The following BICC1 variants were observed in gnomAD, a reference collection of about 807,000 sequenced individuals.
BICC1 encodes the protein protein bicaudal C homolog 1.
BICC1 carries 43 observed loss-of-function variants against 111.0 expected under a neutral mutation model. That is an observed-to-expected ratio of 0.39 (90% CI 0.30 to 0.50). The LOEUF (loss-of-function observed/expected upper bound fraction) is 0.50, where lower values mean the gene tolerates loss of function less well. Among genes scored for constraint, BICC1 ranks in the 20% least tolerant of loss-of-function variants. The pLI, the probability that BICC1 is intolerant of heterozygous loss-of-function variation, is 0.88. For synonymous variants in BICC1, 467 were observed against 434.4 expected (o/e 1.07, Z -0.93); for missense variants, 1,091 against 1,203.2 (o/e 0.91, Z 1.38).
In BICC1 at chr10:58,823,980, A is replaced by C. The variant is rs1256671237; in HGVS notation, c.2794+3512A>C. 5 of 985,270 alleles carry C rather than the reference A, an allele frequency of 5.1e-6. No homozygotes were observed. The African/African-American group carries it at 8.7e-5, about 17-fold the overall frequency. 61.0% of individuals were successfully genotyped at this position (985,270 alleles called of 1,614,324 possible). A position where few individuals can be genotyped will look rare whatever the true frequency, so the allele number is the denominator to read the frequency against. The stretch of plus-strand genomic sequence containing the variant: ...AACAGCCATCTGTATGCATGCCTGC[A>C]TGTGTCTTTTGCTTGTAAAGATACC... On this transcript the variant is annotated intron_variant, in intron 20 of 20. Transcript: ENST00000373886.
At chr10:58,648,428 A>T in intron 2 of BICC1, 2 of 819,786 alleles carry the variant, frequency 2.4e-6, no homozygotes, top group Non-Finnish European at 2.9e-6. Context: ...TTTGAATCTA[A>T]GCCAAAAAAG....
intron 2 of BICC1, chr10:58,650,388 A>C (rs1401745153): frequency 6.6e-6 from 1 of 152,172 alleles, no homozygotes; most frequent in Admixed American, 6.6e-5. Flanking sequence ...ATGGAATCTT[A>C]CCTTAATGTT....
intron 3 of BICC1, among the ~76,000 whole-genome samples, chr10:58,762,290 A>G (rs1842337438): frequency 6.6e-6 from 1 of 152,204 alleles, no homozygotes; most frequent in Non-Finnish European, 1.5e-5. Flanking sequence ...AAATGCCACT[A>G]AAATGAGAAA....
chr10:58,556,263 C>G (rs1035339667), intron 1 of BICC1, among the ~76,000 whole-genome samples: 9 of 152,040 alleles, frequency 5.9e-5, no homozygotes, highest in Admixed American at 2.6e-4. Context: ...TGCAGCTTCT[C>G]AGATATTCTG....
intron 3 of BICC1, among the ~76,000 whole-genome samples, chr10:58,743,469 T>TTG (rs1841734709): frequency 6.6e-6 from 1 of 151,530 alleles, no homozygotes; most frequent in South Asian, 2.1e-4. Flanking sequence ...TGCTGGGATT[T>TTG]TTTTTTTTTT....
intron 13 of BICC1, 71 bp from the exon 14 acceptor site, chr10:58,800,819 A>G: frequency 1.4e-6 from 2 of 1,436,564 alleles, no homozygotes; most frequent in Non-Finnish European, 1.9e-6. Context: ...ATTTGTTTCC[A>G]TTGCAGATAA....
At chr10:58,648,599 T>TTC (rs1316101466) in intron 2 of BICC1, 1 of 980,628 alleles carries the variant, frequency 1.0e-6, no homozygotes, top group Admixed American at 6.2e-5. Context: ...CTCTCTCTCT[T>TTC]TCTCTCTCTC....
chr10:58,572,826 G>A (rs1844001295), intron 1 of BICC1, among the ~76,000 whole-genome samples: 1 of 152,094 alleles, frequency 6.6e-6, no homozygotes, highest in African/African-American at 2.4e-5. Flanking sequence ...CTACGCCTTT[G>A]ATCCCTCAAC....
intron 2 of BICC1, among the ~76,000 whole-genome samples, chr10:58,695,242 C>T (rs558684584): frequency 1.8e-4 from 27 of 152,258 alleles, no homozygotes; most frequent in Admixed American, 6.5e-5. Context: ...GACGCCGCCT[C>T]GAGTGAGAAG....
At position 58,829,020 on chromosome 10, in the gene BICC1, C is replaced by T. The variant is rs1589183248; in HGVS notation, c.*129C>T. The stretch of plus-strand genomic sequence containing the variant: ...TATCAGGACCAAAGCATTTTATTCG[C>T]ACCTGTACTTTATGGCAAAAAGGAA... On this transcript the variant is annotated 3_prime_UTR_variant, in exon 21 of 21. Transcript: ENST00000373886. 1 of 1,080,960 alleles carries T rather than the reference C, an allele frequency of 9.3e-7. No individual in the cohort carries two copies. The highest frequency in any genetic ancestry group is 1.3e-6 in the Non-Finnish European group (1 of 764,778). 67.0% of individuals were successfully genotyped at this position (1,080,960 alleles called of 1,614,324 possible). A position where few individuals can be genotyped will look rare whatever the true frequency, so the allele number is the denominator to read the frequency against.
intron 17 of BICC1, among the ~76,000 whole-genome samples, chr10:58,811,815 C>T (rs1439884682): frequency 6.6e-6 from 1 of 152,100 alleles, no homozygotes; most frequent in Non-Finnish European, 1.5e-5. Flanking sequence ...AAGCTAAAAC[C>T]TAGATGCCAA....
At chr10:58,530,647 T>A (rs545509644) in intron 1 of BICC1, among the ~76,000 whole-genome samples, 2 of 147,882 alleles carry the variant, frequency 1.4e-5, no homozygotes, top group Admixed American at 1.4e-4. Flanking sequence ...TATATAAGAT[T>A]GTGTGTCCAG....
chr10:58,772,632 C>G (rs1236460386), intron 3 of BICC1, among the ~76,000 whole-genome samples: 1 of 152,108 alleles, frequency 6.6e-6, no homozygotes, highest in Non-Finnish European at 1.5e-5. Context: ...CTTAGCCTTT[C>G]TGAAAATCAG....
chr10:58,644,427 C>T (rs1838208404), intron 2 of BICC1, among the ~76,000 whole-genome samples: 1 of 152,210 alleles, frequency 6.6e-6, no homozygotes, highest in African/African-American at 2.4e-5. Flanking sequence ...TTTGAGTCAA[C>T]TCCCTAAAAC....
At chr10:58,580,165 A>G (rs892711881) in intron 1 of BICC1, among the ~76,000 whole-genome samples, 2 of 151,954 alleles carry the variant, frequency 1.3e-5, no homozygotes, top group African/African-American at 4.8e-5. Context: ...CTGGGATTAC[A>G]GGCACCCACC....
intron 10 of BICC1, 59 bp downstream of exon 10, chr10:58,796,585 C>G: frequency 7.3e-6 from 11 of 1,499,654 alleles, no homozygotes; most frequent in Middle Eastern, 4.3e-4. Flanking sequence ...GTCTGGTTCC[C>G]TTTCTTTCTA....
At chr10:58,770,284 T>G (rs1000966494) in intron 3 of BICC1, among the ~76,000 whole-genome samples, 23 of 152,096 alleles carry the variant, frequency 1.5e-4, no homozygotes, top group African/African-American at 5.6e-4. Flanking sequence ...TAGTCTGACA[T>G]TTTTTCTTTT....
At chr10:58,527,614 G>A (rs1182955656) in intron 1 of BICC1, among the ~76,000 whole-genome samples, 1 of 152,060 alleles carries the variant, frequency 6.6e-6, no homozygotes, top group Non-Finnish European at 1.5e-5. Flanking sequence ...GTGTAAGGAA[G>A]GGATCCGGTT....
intron 3 of BICC1, among the ~76,000 whole-genome samples, chr10:58,783,541 C>A (rs1308158003): frequency 6.6e-6 from 1 of 152,060 alleles, no homozygotes; most frequent in Admixed American, 6.6e-5. Flanking sequence ...CCCAGTGATT[C>A]TCATGCCTTA....
Sources: gnomAD v4.1 joint callset for allele counts (sites outside exome capture counted in the v4.1 genomes callset) on GRCh38, gnomAD v4.1.1 for gene constraint, MANE v1.5 for transcripts, NCBI Gene and HGNC (gene_info 2026-07-23, HGNC 2026-07-21) for gene names.